TINAG: variants seen among roughly 807,000 people sequenced by gnomAD.
The protein encoded by TINAG is tubulointerstitial nephritis antigen.
TINAG carries 83 observed loss-of-function variants against 72.7 expected under a neutral mutation model. The observed-to-expected ratio is 1.14, with a 90% CI of 0.96 to 1.37. TINAG has a LOEUF of 1.37. TINAG is among the 40% of genes most tolerant of loss of function. The probability of loss-of-function intolerance (pLI) is 0.00; values close to 1 mark genes in which losing one functional copy is unlikely to be tolerated. For synonymous variants in TINAG, 234 were observed against 189.9 expected (o/e 1.23, Z -1.91); for missense variants, 685 against 576.6 (o/e 1.19, Z -1.93).
intron 9 of TINAG, among the ~76,000 whole-genome samples, chr6:54,357,501 C>A (rs1397622282): frequency 6.6e-6 from 1 of 151,952 alleles, no homozygotes; most frequent in African/African-American, 2.4e-5. Context: ...CAAAACAGAA[C>A]TCCTGATCTT....
chr6:54,322,031 G>A (rs1457791603), intron 3 of TINAG, among the ~76,000 whole-genome samples: 1 of 152,168 alleles, frequency 6.6e-6, no homozygotes, highest in Non-Finnish European at 1.5e-5. Context: ...GCCCGGCGAG[G>A]TGGCTTATGC....
Position 54,390,034 on chromosome 6 carries a change from A to G in TINAG, c.*109A>G. 3 of 1,416,418 alleles carry G rather than the reference A, an allele frequency of 2.1e-6. No homozygotes were observed. Among genetic ancestry groups the G allele is most frequent in the Non-Finnish European group, 2.9e-6 (3 of 1,041,550 alleles). The allele number at this position is 1,416,418 out of a possible 1,614,324, so 87.7% of individuals were successfully genotyped here. On this transcript the variant is annotated 3_prime_UTR_variant, in exon 11 of 11. Transcript: ENST00000259782. ...GGAATCTTTGTCTCTTCACCGTGTT[A>G]ACATAATCTATCTATTTTCTTATTT...
intron 1 of TINAG, among the ~76,000 whole-genome samples, chr6:54,309,162 T>G: frequency 6.6e-6 from 1 of 152,172 alleles, no homozygotes; most frequent in East Asian, 1.9e-4. Context: ...CAGTGAGTTT[T>G]GAACACTCAC....
intron 8 of TINAG, among the ~76,000 whole-genome samples, chr6:54,353,335 T>C (rs1430336791): frequency 6.6e-6 from 1 of 151,900 alleles, no homozygotes; most frequent in African/African-American, 2.4e-5. Context: ...AGAATGCTGG[T>C]TGACTCTTCT....
chr6:54,385,583 T>C (rs1764074935), intron 10 of TINAG, among the ~76,000 whole-genome samples: 1 of 151,950 alleles, frequency 6.6e-6, no homozygotes, highest in African/African-American at 2.4e-5. Context: ...ATGAAACGAA[T>C]TTTACAACAA....
chr6:54,308,882 A>G lies in TINAG; in HGVS notation c.332A>G (p.His111Arg). Reference sequence around the variant, plus strand: ...CGTGAAGAGAAAGAATGGCCTCCTCACACACAGCCTTGGTATCCAGAAGGT... The same window carrying G: ...CGTGAAGAGAAAGAATGGCCTCCTCGCACACAGCCTTGGTATCCAGAAGGT... ...FCREEKEWPP[H>R]TQPWYPEGCF... is the part of the protein sequence containing the mutation. The change falls in exon 1 of 11, where the codon CAC (histidine) becomes CGC (arginine). Residue 111 changes from histidine to arginine, a missense_variant. Transcript: ENST00000259782. 6.2e-7 allele frequency: 1 copy of G among 1,612,094 alleles called. No homozygotes were observed. Among genetic ancestry groups the G allele is most frequent in the Non-Finnish European group, 8.5e-7 (1 of 1,179,238 alleles).
intron 4 of TINAG, among the ~76,000 whole-genome samples, chr6:54,329,944 C>A (rs1325243284): frequency 1.3e-5 from 2 of 151,796 alleles, no homozygotes; most frequent in Non-Finnish European, 2.9e-5. Context: ...ATGTATGCAC[C>A]CAATACAGGA....
intron 3 of TINAG, among the ~76,000 whole-genome samples, chr6:54,324,431 A>C (rs1784560290): frequency 6.6e-6 from 1 of 152,184 alleles, no homozygotes. Flanking sequence ...AAGTTGCCCC[A>C]GTCCTCCCTT....
intron 4 of TINAG, among the ~76,000 whole-genome samples, chr6:54,335,141 T>C (rs1199589505): frequency 1.3e-5 from 2 of 152,208 alleles, no homozygotes; most frequent in Admixed American, 1.3e-4. Flanking sequence ...TAACATATCC[T>C]TTATAAACAA....
Position 54,321,395 on chromosome 6 carries a change from A to T in TINAG, c.509+9A>T. 6.3e-7 allele frequency: 1 copy of T among 1,596,116 alleles called. No homozygotes were observed. Among genetic ancestry groups the T allele is most frequent in the Non-Finnish European group, 8.6e-7 (1 of 1,164,396 alleles). ...AATAAAGGAGACTATGGGTGAGAGA[A>T]ATCTTGCTTTGTATGTTTCTTGACA... On this transcript the variant is annotated intron_variant, in intron 3 of 10. Transcript: ENST00000259782.
intron 3 of TINAG, among the ~76,000 whole-genome samples, chr6:54,324,182 AAACGAT>A (rs1784554248): frequency 6.6e-6 from 1 of 152,202 alleles, no homozygotes. Context: ...CAGCATTTTA[AAACGAT>A]AAGCTTTTCA....
intron 4 of TINAG, among the ~76,000 whole-genome samples, chr6:54,333,352 C>A (rs543678079): frequency 2.0e-5 from 3 of 151,666 alleles, no homozygotes; most frequent in Non-Finnish European, 4.4e-5. Context: ...TCATTCTCAG[C>A]AAACTAAGAC....
intron 9 of TINAG, among the ~76,000 whole-genome samples, chr6:54,362,911 G>T (rs1309522958): frequency 6.6e-6 from 1 of 151,548 alleles, no homozygotes; most frequent in Non-Finnish European, 1.5e-5. Context: ...AAAACAACTA[G>T]AATTAGAAGT....
chr6:54,328,605 T>C (rs891086685), intron 4 of TINAG, among the ~76,000 whole-genome samples: 36 of 151,812 alleles, frequency 2.4e-4, no homozygotes, highest in African/African-American at 8.0e-4. Flanking sequence ...GTGAACAAAA[T>C]TGGACAGAGA....
chr6:54,324,571 A>G (rs1345114991), intron 3 of TINAG, among the ~76,000 whole-genome samples: 2 of 152,180 alleles, frequency 1.3e-5, no homozygotes, highest in African/African-American at 4.8e-5. Flanking sequence ...AATTTGGTCT[A>G]CTGGATAAGT....
chr6:54,347,387 G>C lies in TINAG; in HGVS notation c.769G>C (p.Ala257Pro), dbSNP rs751943815. 6.2e-7 allele frequency: 1 copy of C among 1,612,540 alleles called. No individual in the cohort carries two copies. Among genetic ancestry groups the C allele is most frequent in the African/African-American group, 1.3e-5 (1 of 74,808 alleles). Residue 257 changes from alanine to proline, a missense_variant, in exon 6 of 11, where the codon GCA becomes CCA. Ala to Pro is a conservative substitution (Grantham distance 27). Coordinates refer to ENST00000259782, the MANE Select transcript of TINAG (RefSeq NM_014464.4). ...STASVAADRI[A>P]IQSKGRYTAN... Reference sequence around the variant, plus strand: ...AACAGGTGTGGCTGCTGACCGAATAGCAATTCAGTCTAAGGGTCGATACAC... The same window carrying C: ...AACAGGTGTGGCTGCTGACCGAATACCAATTCAGTCTAAGGGTCGATACAC...
chr6:54,387,898 G>A (rs1200728013), intron 10 of TINAG, among the ~76,000 whole-genome samples: 1 of 151,984 alleles, frequency 6.6e-6, no homozygotes, highest in African/African-American at 2.4e-5. Context: ...ATGTCCTGAG[G>A]TGTATTTTAT....
chr6:54,339,837 T>C (rs1448199074), intron 4 of TINAG, among the ~76,000 whole-genome samples: 1 of 152,186 alleles, frequency 6.6e-6, no homozygotes, highest in African/African-American at 2.4e-5. Context: ...TCATTCTCTG[T>C]TGCTTCATTT....
At chr6:54,330,322 C>T (rs1213048089) in intron 4 of TINAG, among the ~76,000 whole-genome samples, 2 of 152,190 alleles carry the variant, frequency 1.3e-5, no homozygotes, top group African/African-American at 2.4e-5. Context: ...TGCACAACTA[C>T]ATGGAAACTG....
Sources: allele counts gnomAD v4.1 joint callset (sites outside exome capture counted in the v4.1 genomes callset), GRCh38; gene constraint gnomAD v4.1.1; transcripts MANE v1.5; gene names NCBI Gene and HGNC (gene_info 2026-07-23, HGNC 2026-07-21).